Variants in MGA observed in about 807,000 individuals in gnomAD.
MGA encodes the protein MAX gene-associated protein.
MGA carries 40 observed loss-of-function variants against 261.1 expected under a neutral mutation model. The ratio of observed to expected loss-of-function variants is 0.15; its 90% CI spans 0.12 to 0.20. The LOEUF (loss-of-function observed/expected upper bound fraction) is 0.20. Among genes scored for constraint, MGA ranks in the 10% least tolerant of loss-of-function variants. The pLI, the probability that MGA is intolerant of heterozygous loss-of-function variation, is 1.00. For synonymous variants in MGA, 1,302 were observed against 1,290.6 expected (o/e 1.01, Z -0.19); for missense variants, 3,397 against 3,630.5 (o/e 0.94, Z 1.65).
At chr15:41,668,694 G>A (rs1359929614) in intron 1 of MGA, 134 bp from the exon 2 acceptor site, 1 of 432,570 alleles carries the variant, frequency 2.3e-6, no homozygotes, top group East Asian at 3.3e-5. Flanking sequence ...GAAAAGCTTA[G>A]AAGCAAAGTC....
chr15:41,708,499 A>C (rs2060226182), intron 7 of MGA, among the ~76,000 whole-genome samples: 1 of 152,146 alleles, frequency 6.6e-6, no homozygotes, highest in Admixed American at 6.6e-5. Flanking sequence ...TTGTATTTTT[A>C]GTAGATACAG....
In MGA at chr15:41,698,936, A is replaced by G. The variant is rs201748568; in HGVS notation, c.2087A>G (p.Asp696Gly). The change falls in exon 4 of 24, where the codon GAC becomes GGC. Residue 696 changes from aspartate to glycine, a missense_variant. Coordinates refer to ENST00000219905, the MANE Select transcript of MGA (RefSeq NM_001164273.2). ...AGTCTCCAGGCATCAACCACAAATG[A>G]CTCAGGTATTATAAAATAGTATAAA... The G allele has an allele frequency of 4.0e-4, 621 of 1,549,654 alleles. No individual in the cohort carries two copies. Among genetic ancestry groups the G allele is most frequent in the African/African-American group, 1.7e-3 (121 of 72,968 alleles).
chr15:41,711,394 A>G (rs1305468067), intron 8 of MGA, 45 bp downstream of exon 8: 3 of 1,520,650 alleles, frequency 2.0e-6, no homozygotes, highest in Non-Finnish European at 2.6e-6. Flanking sequence ...GCTTGGCTAG[A>G]AAGAGCGAGG....
At chr15:41,727,131 T>C (rs2061293029) in intron 9 of MGA, 49 bp from the exon 10 acceptor site, 1 of 1,477,156 alleles carries the variant, frequency 6.8e-7, no homozygotes, top group Non-Finnish European at 9.2e-7. Context: ...TCAGTATTGA[T>C]CTTTTGTTGC....
At position 41,742,701 on chromosome 15, in the gene MGA, G is replaced by T; in HGVS notation, c.4741G>T (p.Val1581Leu). 1 of 1,614,002 alleles carries T rather than the reference G, an allele frequency of 6.2e-7. No individual in the cohort carries two copies. The highest frequency in any genetic ancestry group is 1.1e-5 in the South Asian group (1 of 91,086). Residue 1581 changes from valine (V) to leucine (L), a missense_variant, in exon 15 of 24, where the codon GTG becomes TTG. Coordinates refer to ENST00000219905, the MANE Select transcript of MGA (RefSeq NM_001164273.2). ...TTCTCCAGTAATGGTCGTCACACCT[G>T]TGGTTTCTTCTGAGCCAGTTCAGGT... is the stretch of plus-strand genomic sequence containing the variant.
intron 2 of MGA, among the ~76,000 whole-genome samples, chr15:41,676,713 AT>A (rs1405023588): frequency 6.6e-6 from 1 of 152,174 alleles, no homozygotes; most frequent in Non-Finnish European, 1.5e-5. Context: ...TCTTACACAC[AT>A]TTTTTATATA....
At chr15:41,658,364 A>G (rs2057250778), upstream of MGA, among the ~76,000 whole-genome samples, 1 of 152,246 alleles carries the variant, frequency 6.6e-6, no homozygotes, top group Admixed American at 6.5e-5. Flanking sequence ...TTCTTACATT[A>G]TCCAAAGTAT....
chr15:41,687,735 G>A (rs911517741), intron 2 of MGA, among the ~76,000 whole-genome samples: 8 of 152,136 alleles, frequency 5.3e-5, no homozygotes, highest in Non-Finnish European at 8.8e-5. Context: ...ATTGTCTAGG[G>A]TGTCATCTGT....
intron 1 of MGA, among the ~76,000 whole-genome samples, chr15:41,635,656 A>C (rs947670951): frequency 6.6e-6 from 1 of 152,174 alleles, no homozygotes; most frequent in Non-Finnish European, 1.5e-5. Flanking sequence ...TGATCCTGTC[A>C]CTGCACTCCA....
intron 2 of MGA, among the ~76,000 whole-genome samples, chr15:41,676,381 GC>G (rs1456867806): frequency 6.6e-5 from 10 of 152,202 alleles, no homozygotes; most frequent in Admixed American, 2.6e-4. Flanking sequence ...CGTTGGCCAG[GC>G]CGGTCTCATG....
At position 41,669,203 on chromosome 15, in the gene MGA, C is replaced by T. The variant is rs770538996; in HGVS notation, c.309C>T (p.Arg103=). The T allele has an allele frequency of 3.7e-6, 6 of 1,613,956 alleles. No individual in the cohort carries two copies. The highest frequency in any genetic ancestry group is 5.1e-6 in the Non-Finnish European group (6 of 1,179,870). ...TGATTCTGACCAAGCAAGGAAGACG[C>T]ATGTTTCCTTACTGTCGTTATTGGA... The change falls in exon 2 of 24, where the codon CGC becomes CGT. Residue 103 remains arginine (R), a synonymous_variant. Transcript: ENST00000219905.
chr15:41,763,052 A>C (rs1340370608), intron 22 of MGA, among the ~76,000 whole-genome samples: 2 of 150,696 alleles, frequency 1.3e-5, no homozygotes, highest in African/African-American at 4.9e-5. Context: ...TTTTTTGTAA[A>C]ATTTAATTTT....
Position 41,696,152 on chromosome 15 carries a change from T to G in MGA, c.1142T>G (p.Ile381Ser). ...CAGAACGGAAGCTTCAATGTTGTTA[T>G]TAAAGAGGAACCTCTAGATGATTAT... The change falls in exon 3 of 24, where the codon ATT becomes AGT. Residue 381 changes from isoleucine (I) to serine (S), a missense_variant. By Grantham distance (142) the Ile-to-Ser change is moderately radical. Coordinates refer to ENST00000219905, the MANE Select transcript of MGA (RefSeq NM_001164273.2). The G allele has an allele frequency of 6.2e-7, 1 of 1,614,004 alleles. No individual in the cohort carries two copies. Among genetic ancestry groups the G allele is most frequent in the Non-Finnish European group, 8.5e-7 (1 of 1,179,890 alleles).
chr15:41,764,519 C>T (rs1220829118), intron 22 of MGA, among the ~76,000 whole-genome samples: 2 of 152,116 alleles, frequency 1.3e-5, no homozygotes, highest in Non-Finnish European at 2.9e-5. Flanking sequence ...TCCCAAAGTG[C>T]TGGGATTACA....
intron 2 of MGA, among the ~76,000 whole-genome samples, chr15:41,687,715 G>A (rs2059043850): frequency 6.6e-6 from 1 of 152,106 alleles, no homozygotes; most frequent in Admixed American, 6.5e-5. Context: ...AATTATCAAG[G>A]GTTTGCTTTA....
rs1348010784 is a variant in MGA, at chr15:41,766,775, G to C, written c.8693G>C (p.Ser2898Thr). Residue 2898 changes from serine to threonine, a missense_variant, in exon 24 of 24, where the codon AGT (serine) becomes ACT (threonine). Coordinates refer to ENST00000219905, the MANE Select transcript of MGA (RefSeq NM_001164273.2). Reference sequence around the variant, plus strand: ...GTTCAAGGGGAGAGTGACTCTATCAGTCCCCTCCTCTTGCACTTGGAAGAC... The same window carrying C: ...GTTCAAGGGGAGAGTGACTCTATCACTCCCCTCCTCTTGCACTTGGAAGAC... 1 of 1,613,864 alleles carries C rather than the reference G, an allele frequency of 6.2e-7. No homozygotes were observed. Among genetic ancestry groups the C allele is most frequent in the Non-Finnish European group, 8.5e-7 (1 of 1,179,892 alleles).
At chr15:41,658,786 A>C (rs1046479726), upstream of MGA, among the ~76,000 whole-genome samples, 1 of 151,230 alleles carries the variant, frequency 6.6e-6, no homozygotes. Context: ...CCAAAAGAGA[A>C]TCTCCATTCC....
chr15:41,755,844 C>T (rs554501026), intron 18 of MGA, among the ~76,000 whole-genome samples: 140 of 152,250 alleles, frequency 9.2e-4, no homozygotes, highest in Admixed American at 2.2e-3. Flanking sequence ...CATGGCGAAA[C>T]CCTGTCTCTA....
chr15:41,750,921 C>G (rs2062796389), intron 17 of MGA: 1 of 216,078 alleles, frequency 4.6e-6, no homozygotes, highest in Non-Finnish European at 9.2e-6. Context: ...CCCATTTGAC[C>G]TCAGTCAATT....
Sources: gnomAD v4.1 joint callset for allele counts (sites outside exome capture counted in the v4.1 genomes callset) on GRCh38, gnomAD v4.1.1 for gene constraint, MANE v1.5 for transcripts, NCBI Gene and HGNC (gene_info 2026-07-23, HGNC 2026-07-21) for gene names.